Variants in ZCCHC24 observed in about 807,000 individuals in gnomAD.
ZCCHC24 encodes the protein zinc finger CCHC domain-containing protein 24.
ZCCHC24 carries 10 observed loss-of-function variants against 26.2 expected under a neutral mutation model. The observed-to-expected ratio is 0.38, with a 90% confidence interval of 0.24 to 0.65. The LOEUF (loss-of-function observed/expected upper bound fraction) is 0.65, where lower values mean the gene tolerates loss of function less well. Ranked by LOEUF, ZCCHC24 falls within the 30% of genes least tolerant of loss-of-function variation. The pLI is 0.54. For synonymous variants in ZCCHC24, 144 were observed against 147.1 expected (o/e 0.98, Z 0.15); for missense variants, 243 against 329.1 (o/e 0.74, Z 2.03).
chr10:79,426,554 G>A (rs1329734009), intron 2 of ZCCHC24, among the ~76,000 whole-genome samples: 2 of 152,040 alleles, frequency 1.3e-5, no homozygotes, highest in Non-Finnish European at 2.9e-5. Flanking sequence ...AACAAGGAGC[G>A]AATAGAGCTA....
Position 79,445,340 on chromosome 10 carries a change from G to A in ZCCHC24, c.101C>T (p.Ala34Val). The A allele has an allele frequency of 6.5e-7, 1 of 1,534,412 alleles. No homozygotes were observed. The highest frequency in any genetic ancestry group is 8.7e-7 in the Non-Finnish European group (1 of 1,143,476). The change falls in exon 1 of 4, where the codon GCT (alanine) becomes GTT (valine). Residue 34 changes from alanine to valine, a missense_variant. Coordinates refer to ENST00000372336, the MANE Select transcript of ZCCHC24 (RefSeq NM_153367.4). Reference sequence around the variant, plus strand: ...GGGCCGGAAGGCATCGAAGGCGCTAGCCTGGTGCGTGTCCTGCAGCGACAG... The same window carrying A: ...GGGCCGGAAGGCATCGAAGGCGCTAACCTGGTGCGTGTCCTGCAGCGACAG... Reference protein sequence around the residue: ...VYLSLQDTHQASAFDAFRPEP... With the variant: ...VYLSLQDTHQVSAFDAFRPEP...
At position 79,401,122 on chromosome 10, in the gene ZCCHC24, C is replaced by T. The variant is rs182606607; in HGVS notation, c.448-6682G>A. Among the ~76,000 whole-genome samples the T allele has an allele frequency of 4.0e-3, 612 of 152,324 alleles. 2 individuals carry two copies. The highest frequency in any genetic ancestry group is 6.3e-3 in the Non-Finnish European group (429 of 68,032). On this transcript the variant is annotated intron_variant, in intron 2 of 3. Transcript: ENST00000372336. ...TGAGAGCCTGAGGCTGTGCCCTGCA[C>T]GCCAAGACTCCAGGCTGCACTGTGC...
intron 2 of ZCCHC24, among the ~76,000 whole-genome samples, chr10:79,413,490 A>G (rs1383705341): frequency 6.6e-6 from 1 of 152,234 alleles, no homozygotes; most frequent in Non-Finnish European, 1.5e-5. Flanking sequence ...TCCTGGGCCT[A>G]GTGAAATCCG....
intron 3 of ZCCHC24, among the ~76,000 whole-genome samples, chr10:79,392,184 G>T (rs1167445927): frequency 6.6e-6 from 1 of 152,016 alleles, no homozygotes; most frequent in African/African-American, 2.4e-5. Context: ...CCTTTGCCCC[G>T]TGGACCCTCC....
At chr10:79,403,418 C>T (rs745572062) in intron 2 of ZCCHC24, 2 of 985,472 alleles carry the variant, frequency 2.0e-6, no homozygotes, top group Non-Finnish European at 2.4e-6. Context: ...GACCTCCACA[C>T]TCACATGTCC....
intron 2 of ZCCHC24, among the ~76,000 whole-genome samples, chr10:79,398,950 T>C (rs1856590955): frequency 6.6e-6 from 1 of 152,156 alleles, no homozygotes; most frequent in Admixed American, 6.5e-5. Context: ...CAGCAGGCTC[T>C]TCCACAAGGC....
chr10:79,402,071 G>C (rs921162923), intron 2 of ZCCHC24, among the ~76,000 whole-genome samples: 31 of 152,194 alleles, frequency 2.0e-4, no homozygotes, highest in African/African-American at 7.0e-4. Context: ...ACGGACTCAC[G>C]ACCCCAGCCC....
At position 79,432,771 on chromosome 10, in the gene ZCCHC24, G is replaced by C. The variant is rs373532731; in HGVS notation, c.247-13C>G. 12 of 1,608,332 alleles carry C rather than the reference G, an allele frequency of 7.5e-6. No homozygotes were observed. Among genetic ancestry groups the C allele is most frequent in the African/African-American group, 1.3e-5 (1 of 74,628 alleles). ...TGTTGCTCAGCGCCTGTGGGAGACA[G>C]AGGCACATATACTACAGCCTCTGCC... On this transcript the variant is annotated splice_polypyrimidine_tract_variant and intron_variant, in intron 1 of 3. Transcript: ENST00000372336.
At chr10:79,411,084 G>A (rs528441974) in intron 2 of ZCCHC24, among the ~76,000 whole-genome samples, 2 of 152,256 alleles carry the variant, frequency 1.3e-5, no homozygotes, top group South Asian at 4.1e-4. Context: ...AGGACTGGCC[G>A]TCACTGGACA....
chr10:79,433,466 G>C (rs975734869), intron 1 of ZCCHC24, among the ~76,000 whole-genome samples: 1 of 152,210 alleles, frequency 6.6e-6, no homozygotes, highest in Non-Finnish European at 1.5e-5. Flanking sequence ...CAAAGCAGAC[G>C]TGGCCCAGGC....
intron 2 of ZCCHC24, among the ~76,000 whole-genome samples, chr10:79,406,644 G>T (rs1334603554): frequency 6.6e-6 from 1 of 152,118 alleles, no homozygotes. Context: ...TATGTGTGGG[G>T]TTACCTCCAC....
intron 1 of ZCCHC24, among the ~76,000 whole-genome samples, chr10:79,433,072 G>T (rs566159406): frequency 8.5e-5 from 13 of 152,322 alleles, no homozygotes; most frequent in African/African-American, 2.9e-4. Context: ...TCAGTAAATG[G>T]CAATGATGTT....
Position 79,434,798 on chromosome 10 carries a change from G to A in ZCCHC24, c.247-2040C>T, listed in dbSNP as rs115739987. 2.6e-3 allele frequency among the ~76,000 whole-genome samples: 403 copies of A among 152,314 alleles called. 4 individuals are homozygous for A. Among genetic ancestry groups the A allele is most frequent in the African/African-American group, 9.3e-3 (387 of 41,576 alleles). On this transcript the variant is annotated intron_variant, in intron 1 of 3. Transcript: ENST00000372336. The stretch of plus-strand genomic sequence containing the variant: ...AGTGTACAGTTGAGTGGCATTAAGA[G>A]CATTCATGCTGTTGTGCAGCCATCG...
rs946988804 is a variant in ZCCHC24, at chr10:79,420,165, G to A, written c.447+12393C>T. 5.9e-5 allele frequency among the ~76,000 whole-genome samples: 9 copies of A among 151,334 alleles called. No homozygotes were observed. In the South Asian group the frequency reaches 8.4e-4, roughly 14 times the overall value. ...ATAGGGGAACTGACAGCCCACAGGC[G>A]GCACTGGGCACCTTCCAGCTGTGCA... On this transcript the variant is annotated intron_variant, in intron 2 of 3. Coordinates refer to ENST00000372336, the MANE Select transcript of ZCCHC24 (RefSeq NM_153367.4).
At chr10:79,394,190 T>C (rs1303313693) in intron 3 of ZCCHC24, 86 bp downstream of exon 3, 7 of 1,503,262 alleles carry the variant, frequency 4.7e-6, no homozygotes, top group Non-Finnish European at 6.3e-6. Flanking sequence ...AGATCTCCCT[T>C]GTAGGAGGGA....
chr10:79,427,068 AC>A (rs776236410), intron 2 of ZCCHC24, among the ~76,000 whole-genome samples: 42 of 151,936 alleles, frequency 2.8e-4, no homozygotes, highest in Admixed American at 7.2e-4. Context: ...ATACTTTAAA[AC>A]AAAAAAAAAA....
chr10:79,402,592 A>G (rs951554041), intron 2 of ZCCHC24, among the ~76,000 whole-genome samples: 1 of 152,134 alleles, frequency 6.6e-6, no homozygotes, highest in Non-Finnish European at 1.5e-5. Context: ...TGGTTTTTCT[A>G]TCTTCCATGT....
At chr10:79,400,892 C>G (rs1483874891) in intron 2 of ZCCHC24, among the ~76,000 whole-genome samples, 1 of 152,266 alleles carries the variant, frequency 6.6e-6, no homozygotes, top group East Asian at 1.9e-4. Flanking sequence ...GACATGTCCA[C>G]ACACTGTCAC....
chr10:79,418,048 A>G (rs1856889386), intron 2 of ZCCHC24, among the ~76,000 whole-genome samples: 1 of 152,208 alleles, frequency 6.6e-6, no homozygotes, highest in East Asian at 1.9e-4. Flanking sequence ...GTGGAAAGGG[A>G]AAATGCTGCC....
Sources: gnomAD v4.1 joint callset for allele counts (sites outside exome capture counted in the v4.1 genomes callset) on GRCh38, gnomAD v4.1.1 for gene constraint, MANE v1.5 for transcripts, NCBI Gene and HGNC (gene_info 2026-07-23, HGNC 2026-07-21) for gene names.